Variants in GLIS3 observed in about 807,000 individuals in gnomAD.
GLIS3 encodes the protein zinc finger protein GLIS3.
Under a neutral mutation model 78.6 loss-of-function variants are expected in GLIS3, and 53 were observed. That is an observed-to-expected ratio of 0.67 (90% CI 0.54 to 0.85). GLIS3 has a LOEUF of 0.85. Among genes scored for constraint, GLIS3 ranks in the 40% least tolerant of loss-of-function variants. The probability of loss-of-function intolerance (pLI) is 0.00; values close to 1 mark genes in which losing one functional copy is unlikely to be tolerated. For synonymous variants in GLIS3, 684 were observed against 509.9 expected (o/e 1.34, Z -4.60); for missense variants, 1,703 against 1,231.1 (o/e 1.38, Z -5.74).
At chr9:4,007,393 T>C (rs149757401) in intron 4 of GLIS3, among the ~76,000 whole-genome samples, 19 of 152,138 alleles carry the variant, frequency 1.2e-4, no homozygotes, top group Non-Finnish European at 2.6e-4. Flanking sequence ...TCCCTCTTCC[T>C]GGTTCAAGGT....
the GLIS3 span, among the ~76,000 whole-genome samples, chr9:4,456,545 T>C: frequency 1.3e-5 from 2 of 152,242 alleles, no homozygotes; most frequent in African/African-American, 4.8e-5. Flanking sequence ...GTAGCACTTC[T>C]AATTTCTTCC....
At chr9:4,317,599 T>A (rs1046015746) in intron 2 of GLIS3, among the ~76,000 whole-genome samples, 6 of 152,254 alleles carry the variant, frequency 3.9e-5, no homozygotes, top group African/African-American at 1.4e-4. Flanking sequence ...CGATTATTCA[T>A]CCTTTTATAT....
upstream of GLIS3, among the ~76,000 whole-genome samples, chr9:4,349,477 A>G (rs1345774620): frequency 6.6e-6 from 1 of 152,200 alleles, no homozygotes; most frequent in East Asian, 1.9e-4. Flanking sequence ...TTGAGGATTT[A>G]TATTGATGAG....
chr9:4,087,712 C>T (rs1829155457), intron 4 of GLIS3, among the ~76,000 whole-genome samples: 1 of 152,124 alleles, frequency 6.6e-6, no homozygotes. Context: ...AAAAAATATT[C>T]ATTGAGTACC....
chr9:4,427,944 G>A, the GLIS3 span, among the ~76,000 whole-genome samples: 5 of 151,626 alleles, frequency 3.3e-5, 1 homozygote, highest in South Asian at 8.5e-4. Flanking sequence ...CCAGACCACT[G>A]AGTTGACATA....
the GLIS3 span, among the ~76,000 whole-genome samples, chr9:4,367,888 ATGT>A: frequency 6.6e-6 from 1 of 152,168 alleles, no homozygotes; most frequent in Admixed American, 6.5e-5. Context: ...ACGAGGGAAA[ATGT>A]TATTATCTTC....
chr9:4,401,977 G>A, the GLIS3 span, among the ~76,000 whole-genome samples: 2 of 152,102 alleles, frequency 1.3e-5, no homozygotes, highest in Admixed American at 6.5e-5. Context: ...TAGTAGAATA[G>A]AACAACAGAT....
chr9:3,908,496 G>A (rs960778212), intron 6 of GLIS3, among the ~76,000 whole-genome samples: 1 of 152,090 alleles, frequency 6.6e-6, no homozygotes. Flanking sequence ...CTATCCAGTT[G>A]CAAGTAAACA....
At chr9:3,847,426 G>T (rs1819128145) in intron 9 of GLIS3, among the ~76,000 whole-genome samples, 1 of 152,208 alleles carries the variant, frequency 6.6e-6, no homozygotes, top group Non-Finnish European at 1.5e-5. Flanking sequence ...AGCACTTACA[G>T]TGTGCAGAAT....
chr9:4,474,509 GA>G, the GLIS3 span, among the ~76,000 whole-genome samples: 2 of 151,902 alleles, frequency 1.3e-5, no homozygotes, highest in Non-Finnish European at 2.9e-5. Context: ...TATCCATAGG[GA>G]AAAAAATGAA....
At chr9:4,150,796 CTT>C (rs1834619477) in intron 2 of GLIS3, 1 of 152,126 alleles carries the variant, frequency 6.6e-6, no homozygotes, top group Non-Finnish European at 1.5e-5. Flanking sequence ...TGTAAAGTGA[CTT>C]TCACCCGGTC....
intron 6 of GLIS3, among the ~76,000 whole-genome samples, chr9:3,920,609 G>GTT (rs34014322): frequency 0.042 from 5,426 of 127,750 alleles, 178 homozygotes; most frequent in East Asian, 0.082. Flanking sequence ...AAAAGAACAG[G>GTT]TTTTTTTTTT....
chr9:4,130,617 A>T (rs903197599), intron 2 of GLIS3, among the ~76,000 whole-genome samples: 2 of 152,248 alleles, frequency 1.3e-5, no homozygotes. Context: ...CTGTAGGTGC[A>T]CGAAATGCAA....
chr9:4,121,597 G>C lies in GLIS3; in HGVS notation c.597-2716C>G, dbSNP rs1311566425. Among the ~76,000 whole-genome samples the C allele has an allele frequency of 8.0e-5, 12 of 150,492 alleles. No homozygotes were observed. The East Asian group carries it at 1.9e-3, about 24-fold the overall frequency. On this transcript the variant is annotated intron_variant, in intron 3 of 10. Transcript: ENST00000381971. ...CTTCTATTTTACAAAGAATAAAACA[G>C]GGTTTGGGAAATTTCTCCCAGTGAC... is the stretch of plus-strand genomic sequence containing the variant.
the GLIS3 span, among the ~76,000 whole-genome samples, chr9:4,474,697 A>ATT: frequency 1.5e-4 from 19 of 128,324 alleles, no homozygotes; most frequent in East Asian, 4.2e-4. Context: ...GTCCAAAGCA[A>ATT]TTTTTTTTTT....
At chr9:4,425,916 G>A in the GLIS3 span, among the ~76,000 whole-genome samples, 1 of 152,150 alleles carries the variant, frequency 6.6e-6, no homozygotes, top group Non-Finnish European at 1.5e-5. Context: ...TCAGTCCCAG[G>A]AAGGCCCCAG....
At chr9:4,454,549 T>C in the GLIS3 span, among the ~76,000 whole-genome samples, 4 of 152,204 alleles carry the variant, frequency 2.6e-5, no homozygotes, top group African/African-American at 9.7e-5. Flanking sequence ...ATTATGATAG[T>C]ATGCGAGGGA....
chr9:4,130,701 T>C (rs1163197506), intron 2 of GLIS3, among the ~76,000 whole-genome samples: 2 of 152,216 alleles, frequency 1.3e-5, no homozygotes, highest in African/African-American at 4.8e-5. Flanking sequence ...GACAGAAGCC[T>C]GCTGCAGGGG....
At chr9:4,197,625 G>C (rs1489255985) in intron 2 of GLIS3, among the ~76,000 whole-genome samples, 1 of 152,198 alleles carries the variant, frequency 6.6e-6, no homozygotes, top group African/African-American at 2.4e-5. Flanking sequence ...AACCTGCCCA[G>C]TCCTGCCCTG....
Sources: gnomAD v4.1 joint callset for allele counts (sites outside exome capture counted in the v4.1 genomes callset) on GRCh38, gnomAD v4.1.1 for gene constraint, MANE v1.5 for transcripts, NCBI Gene and HGNC (gene_info 2026-07-23, HGNC 2026-07-21) for gene names.